DLGAP2: variants seen among roughly 807,000 people sequenced by gnomAD.
DLGAP2 encodes disks large-associated protein 2.
Under a neutral mutation model 100.3 loss-of-function variants are expected in DLGAP2, and 26 were observed. The observed-to-expected ratio is 0.26, with a 90% CI of 0.19 to 0.36. The LOEUF (loss-of-function observed/expected upper bound fraction) is 0.36, where lower values mean the gene tolerates loss of function less well. Ranked by LOEUF, DLGAP2 falls within the 10% of genes least tolerant of loss-of-function variation. The pLI is 1.00. For missense variants in DLGAP2, 1,858 were observed against 1,453.2 expected (o/e 1.28, Z -4.53); for synonymous variants, 886 against 630.1 (o/e 1.41, Z -6.08).
At chr8:1,301,349 G>A (rs974931836) in intron 3 of DLGAP2, 1 of 152,232 alleles carries the variant, frequency 6.6e-6, no homozygotes, top group Non-Finnish European at 1.5e-5. Flanking sequence ...GAGCTCCGGG[G>A]CCTAGGAGGC....
At chr8:1,633,823 C>T (rs1243128512) in intron 8 of DLGAP2, among the ~76,000 whole-genome samples, 1 of 152,120 alleles carries the variant, frequency 6.6e-6, no homozygotes, top group Non-Finnish European at 1.5e-5. Context: ...GCAGCTGTAT[C>T]TTAGAAATTT....
chr8:1,199,900 C>G (rs1017939034), intron 2 of DLGAP2, among the ~76,000 whole-genome samples: 18 of 152,062 alleles, frequency 1.2e-4, no homozygotes, highest in African/African-American at 4.3e-4. Flanking sequence ...CTACACCGCC[C>G]CCTCCCCTGG....
chr8:1,662,419 C>A (rs1178897209), intron 8 of DLGAP2, among the ~76,000 whole-genome samples: 2 of 152,178 alleles, frequency 1.3e-5, no homozygotes, highest in African/African-American at 2.4e-5. Flanking sequence ...GAAATAAGTG[C>A]CTCTTTCATT....
At chr8:1,459,833 G>A (rs911389369) in intron 3 of DLGAP2, among the ~76,000 whole-genome samples, 4 of 151,822 alleles carry the variant, frequency 2.6e-5, no homozygotes, top group African/African-American at 4.8e-5. Context: ...TTGCAGGTGC[G>A]CACCACCACG....
In DLGAP2 at chr8:885,303, G is replaced by A. The variant is rs145699012; in HGVS notation, c.19-22609G>A. On this transcript the variant is annotated intron_variant, in intron 1 of 14. Coordinates refer to ENST00000637795, the MANE Select transcript of DLGAP2 (RefSeq NM_001346810.2). ...TCTTTGTGTTCTCTCATTTCCTTGA[G>A]CAGTGGTTTAAGTACTTCTCCTTGA... 1.3e-3 allele frequency among the ~76,000 whole-genome samples: 196 copies of A among 152,250 alleles called. 2 individuals carry two copies. The highest frequency in any genetic ancestry group is 8.4e-3 in the Admixed American group (128 of 15,286).
At chr8:1,690,754 G>A (rs908285906) in intron 12 of DLGAP2, among the ~76,000 whole-genome samples, 9 of 136,384 alleles carry the variant, frequency 6.6e-5, no homozygotes, top group African/African-American at 2.2e-4. Flanking sequence ...ACCAAATAAA[G>A]TCATTGCAAT....
intron 7 of DLGAP2, among the ~76,000 whole-genome samples, chr8:1,628,350 C>T (rs1040733870): frequency 6.9e-6 from 1 of 145,194 alleles, no homozygotes; most frequent in African/African-American, 2.7e-5. Context: ...TACTGTGGAG[C>T]AGGGATTAAG....
At chr8:1,668,219 C>A in intron 8 of DLGAP2, 110 bp from the exon 9 acceptor site, 1 of 1,032,678 alleles carries the variant, frequency 9.7e-7, no homozygotes, top group Non-Finnish European at 1.4e-6. Flanking sequence ...GCTAGACGTC[C>A]AGGAACAGAC....
intron 3 of DLGAP2, among the ~76,000 whole-genome samples, chr8:1,327,626 C>T (rs779238069): frequency 5.9e-5 from 9 of 152,112 alleles, no homozygotes; most frequent in Non-Finnish European, 8.8e-5. Flanking sequence ...AGGTGGATCA[C>T]GAGGTCAGGA....
intron 5 of DLGAP2, among the ~76,000 whole-genome samples, chr8:1,553,769 C>CT (rs1801863487): frequency 6.6e-6 from 1 of 152,160 alleles, no homozygotes; most frequent in African/African-American, 2.4e-5. Flanking sequence ...TCCTTGCAGC[C>CT]ATTCTCTGAA....
At chr8:1,388,820 T>A (rs1261235296) in intron 3 of DLGAP2, among the ~76,000 whole-genome samples, 26 of 86,632 alleles carry the variant, frequency 3.0e-4, no homozygotes, top group African/African-American at 1.3e-3. Flanking sequence ...AGGCCGTGGA[T>A]GAGGAGGCGC....
intron 1 of DLGAP2, among the ~76,000 whole-genome samples, chr8:892,417 G>T (rs963148851): frequency 6.6e-6 from 1 of 152,168 alleles, no homozygotes; most frequent in Non-Finnish European, 1.5e-5. Context: ...GAACCCTGGG[G>T]ACACTATGCT....
chr8:1,151,865 C>G (rs756886015), intron 2 of DLGAP2, among the ~76,000 whole-genome samples: 10 of 152,178 alleles, frequency 6.6e-5, no homozygotes, highest in Non-Finnish European at 1.3e-4. Flanking sequence ...TTAGAACAAA[C>G]TATTGGAAGT....
intron 3 of DLGAP2, among the ~76,000 whole-genome samples, chr8:1,349,855 T>C (rs892976830): frequency 6.6e-5 from 10 of 152,370 alleles, no homozygotes; most frequent in Middle Eastern, 3.4e-3. Context: ...TATAATAAAT[T>C]CTGTACCTCA....
chr8:976,381 G>T (rs901446401), intron 2 of DLGAP2, among the ~76,000 whole-genome samples: 3 of 152,112 alleles, frequency 2.0e-5, no homozygotes, highest in African/African-American at 7.2e-5. Context: ...GGAGATCGAG[G>T]CGGGCGGATC....
At chr8:1,615,241 G>T (rs1171858841) in intron 6 of DLGAP2, among the ~76,000 whole-genome samples, 2 of 152,154 alleles carry the variant, frequency 1.3e-5, no homozygotes, top group African/African-American at 4.8e-5. Context: ...AAGTGCACAG[G>T]CCAGGTAAAC....
At chr8:1,413,202 C>T (rs1295103877) in intron 3 of DLGAP2, among the ~76,000 whole-genome samples, 1 of 152,132 alleles carries the variant, frequency 6.6e-6, no homozygotes, top group Non-Finnish European at 1.5e-5. Flanking sequence ...TCTGTAGCAC[C>T]TTTGTATGTT....
chr8:871,536 T>G (rs1307538239), intron 1 of DLGAP2, among the ~76,000 whole-genome samples: 1 of 152,192 alleles, frequency 6.6e-6, no homozygotes, highest in Non-Finnish European at 1.5e-5. Flanking sequence ...TTATCCAGGT[T>G]TAGCATCCTA....
chr8:1,509,307 G>A (rs1268905246), intron 4 of DLGAP2, among the ~76,000 whole-genome samples: 1 of 145,482 alleles, frequency 6.9e-6, no homozygotes, highest in Non-Finnish European at 1.5e-5. Flanking sequence ...CTCCGGCCTG[G>A]CAACAGAGCA....
Sources: gnomAD v4.1 joint callset for allele counts (sites outside exome capture counted in the v4.1 genomes callset) on GRCh38, gnomAD v4.1.1 for gene constraint, MANE v1.5 for transcripts, NCBI Gene and HGNC (gene_info 2026-07-23, HGNC 2026-07-21) for gene names.